Variants in ZHX3 observed in about 807,000 individuals in gnomAD.
ZHX3 encodes the protein zinc fingers and homeoboxes 3.
In ZHX3, 20 loss-of-function variants were observed where a neutral mutation model predicts 64.5. The ratio of observed to expected loss-of-function variants is 0.31; its 90% CI spans 0.22 to 0.45. ZHX3 has a LOEUF of 0.45. Among genes scored for constraint, ZHX3 ranks in the 20% least tolerant of loss-of-function variants. The probability of loss-of-function intolerance (pLI) is 1.00; values close to 1 mark genes in which losing one functional copy is unlikely to be tolerated. For synonymous variants in ZHX3, 423 were observed against 461.6 expected, an observed-to-expected ratio of 0.92 and a Z score of 1.07; for missense variants, 1,041 against 1,195.8, an observed-to-expected ratio of 0.87 and a Z score of 1.91.
chr20:41,288,725 T>G (rs1419817828), intron 1 of ZHX3, among the ~76,000 whole-genome samples: 1 of 152,216 alleles, frequency 6.6e-6, no homozygotes, highest in African/African-American at 2.4e-5. Context: ...TTATATTATA[T>G]GTCTATGACC....
chr20:41,309,743 G>A (rs958234226), intron 1 of ZHX3, among the ~76,000 whole-genome samples: 1 of 151,948 alleles, frequency 6.6e-6, no homozygotes, highest in South Asian at 2.1e-4. Flanking sequence ...CTGAAGATTC[G>A]GCCCACTTTC....
Position 41,200,168 on chromosome 20 carries a change from C to CA in ZHX3, c.2860+1888dup, listed in dbSNP as rs2038104031. Among the ~76,000 whole-genome samples, 1 of 152,198 alleles carries CA rather than the reference C, an allele frequency of 6.6e-6. No homozygotes were observed. Among genetic ancestry groups the CA allele is most frequent in the Non-Finnish European group, 1.5e-5 (1 of 68,034 alleles). ...CCATCAAGCTCTTCCCTGGATGTTGCAAGTGTTCAACTAGACTTCTGAGTC... is the reference window on the plus strand; with the variant it reads ...CCATCAAGCTCTTCCCTGGATGTTGCAAAGTGTTCAACTAGACTTCTGAGTC... On this transcript the variant is annotated intron_variant, in intron 3 of 3. Transcript: ENST00000683867. This position sits in a 1 kb window ranked among gnomAD's most constrained non-coding sequence, Gnocchi z 4.2.
Position 41,293,619 on chromosome 20 carries a change from A to C in ZHX3, c.-245+23890T>G, listed in dbSNP as rs142000482. Among the ~76,000 whole-genome samples, 402 of 152,350 alleles carry C rather than the reference A, an allele frequency of 2.6e-3. 3 individuals are homozygous for C. The highest frequency in any genetic ancestry group is 0.015 in the South Asian group (74 of 4,830). ...TCAGACCACTTCTAGAGAACTAGCT[A>C]TAAGTCTGGTCACACATTCTAAGTG... On this transcript the variant is annotated intron_variant, in intron 1 of 3. Transcript: ENST00000683867.
intron 2 of ZHX3, among the ~76,000 whole-genome samples, chr20:41,242,763 T>C (rs55684219): frequency 1.3e-5 from 2 of 152,312 alleles, no homozygotes; most frequent in African/African-American, 4.8e-5. Flanking sequence ...AGGCCATATA[T>C]GGAGGAAGTT....
chr20:41,295,236 A>C (rs6016537), intron 1 of ZHX3, among the ~76,000 whole-genome samples: 7 of 152,348 alleles, frequency 4.6e-5, no homozygotes, highest in African/African-American at 1.7e-4. Flanking sequence ...TTTATAAAGA[A>C]AAATAATACA....
At chr20:41,217,442 T>C (rs974076524) in intron 2 of ZHX3, among the ~76,000 whole-genome samples, 2 of 152,220 alleles carry the variant, frequency 1.3e-5, no homozygotes, top group East Asian at 3.8e-4. Context: ...AGACATATTT[T>C]AAAAAGAAAT....
chr20:41,261,188 C>A (rs2042544222), intron 2 of ZHX3, among the ~76,000 whole-genome samples: 1 of 151,986 alleles, frequency 6.6e-6, no homozygotes, highest in African/African-American at 2.4e-5. Flanking sequence ...AGAAAAAAAA[C>A]TCCAAGTAAA....
intron 2 of ZHX3, among the ~76,000 whole-genome samples, chr20:41,267,035 T>TG (rs1380092189): frequency 6.6e-6 from 1 of 151,344 alleles, no homozygotes; most frequent in African/African-American, 2.4e-5. Context: ...TTAGTACAGA[T>TG]GGGGTTTCAC....
intron 2 of ZHX3, among the ~76,000 whole-genome samples, chr20:41,208,947 G>A (rs966345849): frequency 3.2e-4 from 48 of 152,264 alleles, no homozygotes; most frequent in African/African-American, 9.6e-4. Flanking sequence ...AAACCCCATC[G>A]TCTCAGCCTA....
intron 1 of ZHX3, chr20:41,299,879 A>AG (rs1402079501): frequency 2.0e-5 from 3 of 151,322 alleles, no homozygotes; most frequent in Non-Finnish European, 4.4e-5. Context: ...CTCAAAAAAA[A>AG]AAAAAAAAAA....
At chr20:41,213,195 T>C (rs1002273558) in intron 2 of ZHX3, among the ~76,000 whole-genome samples, 1 of 152,054 alleles carries the variant, frequency 6.6e-6, no homozygotes. Context: ...TGCCAGGGAC[T>C]GAGAGTAGGG....
chr20:41,203,385 C>T lies in ZHX3; in HGVS notation c.1532G>A (p.Gly511Glu). Residue 511 changes from glycine (G) to glutamate (E), a missense_variant, in exon 3 of 4, where the codon GGG (glycine) becomes GAG (glutamate). By Grantham distance (98) the Gly-to-Glu change is moderately conservative (BLOSUM62 -2). Transcript: ENST00000683867. This position sits in a 1 kb window ranked among gnomAD's most constrained non-coding sequence, Gnocchi z 7.1. Reference sequence around the variant, plus strand: ...TGGGAACTGGTTCCGACAGAAGCTCCCTTTCAGAGCTGACAGCTGTTCATG... The same window carrying T: ...TGGGAACTGGTTCCGACAGAAGCTCTCTTTCAGAGCTGACAGCTGTTCATG... ...KSHEQLSALK[G>E]SFCRNQFPGQ... 6.2e-7 allele frequency: 1 copy of T among 1,614,168 alleles called. No homozygotes were observed. The highest frequency in any genetic ancestry group is 8.5e-7 in the Non-Finnish European group (1 of 1,180,038).
In ZHX3 at chr20:41,202,562, C is replaced by T. The variant is rs2038322386; in HGVS notation, c.2355G>A (p.Gln785=). 1 of 1,614,090 alleles carries T rather than the reference C, an allele frequency of 6.2e-7. No homozygotes were observed. The highest frequency in any genetic ancestry group is 1.7e-5 in the Admixed American group (1 of 60,016). Residue 785 remains glutamine, a synonymous_variant, in exon 3 of 4, where the codon CAG becomes CAA. Transcript: ENST00000683867. The surrounding 1 kb of genome is among the most constrained non-coding windows in gnomAD (Gnocchi z 7.0). ...AGTCCTGGTTGCTTGGCCACTGTGTCTGGACAAAGAGCTGCCGCAGCAAGT... is the reference window on the plus strand; with the variant it reads ...AGTCCTGGTTGCTTGGCCACTGTGTTTGGACAAAGAGCTGCCGCAGCAAGT... ...QRHLLRQLFV[Q]TQWPSNQDYD... is the part of the protein sequence containing the mutation.
At chr20:41,216,272 T>C (rs544576702) in intron 2 of ZHX3, among the ~76,000 whole-genome samples, 1 of 152,326 alleles carries the variant, frequency 6.6e-6, no homozygotes, top group African/African-American at 2.4e-5. Flanking sequence ...AGACTTACTT[T>C]GAAATTTATC....
intron 2 of ZHX3, among the ~76,000 whole-genome samples, chr20:41,266,867 T>G (rs1365860017): frequency 1.4e-5 from 2 of 142,952 alleles, no homozygotes; most frequent in Non-Finnish European, 3.0e-5. Context: ...TTTTTTTTTT[T>G]TTTAAGATGG....
chr20:41,236,770 T>C (rs889008986), intron 2 of ZHX3, among the ~76,000 whole-genome samples: 2 of 152,038 alleles, frequency 1.3e-5, no homozygotes, highest in African/African-American at 2.4e-5. Context: ...AATTGACAAA[T>C]GGGATCTAAT....
chr20:41,292,270 T>G (rs928910031), intron 1 of ZHX3, among the ~76,000 whole-genome samples: 4 of 152,142 alleles, frequency 2.6e-5, no homozygotes, highest in African/African-American at 9.7e-5. Flanking sequence ...TCTCTAATAT[T>G]TAGGAACCAG....
intron 2 of ZHX3, among the ~76,000 whole-genome samples, chr20:41,229,167 T>C (rs1409937673): frequency 6.6e-6 from 1 of 152,234 alleles, no homozygotes; most frequent in Non-Finnish European, 1.5e-5. Context: ...ACTCATATAG[T>C]ATTTGCCTTT....
intron 2 of ZHX3, among the ~76,000 whole-genome samples, chr20:41,215,625 C>A (rs2039464326): frequency 6.6e-6 from 1 of 151,898 alleles, no homozygotes; most frequent in African/African-American, 2.4e-5. Context: ...AACATATCAC[C>A]CAGTATTTAT....
Sources: allele counts gnomAD v4.1 joint callset (sites outside exome capture counted in the v4.1 genomes callset), GRCh38; gene constraint gnomAD v4.1.1; non-coding constraint Gnocchi (gnomAD v3.1); transcripts MANE v1.5; gene names NCBI Gene and HGNC (gene_info 2026-07-23, HGNC 2026-07-21).